The following RBFOX1 variants were observed in gnomAD, a reference collection of about 807,000 sequenced individuals.
RBFOX1 encodes the protein RNA binding fox-1 homolog 1.
A neutral mutation model predicts 57.7 loss-of-function variants in RBFOX1; 8 were observed. The observed-to-expected ratio is 0.14, with a 90% CI of 0.08 to 0.25. The LOEUF is 0.25. Ranked by LOEUF, RBFOX1 falls within the 10% of genes least tolerant of loss-of-function variation. The pLI is 1.00. For missense variants in RBFOX1, 611 were observed against 548.5 expected, an observed-to-expected ratio of 1.11 and a Z score of -1.14; for synonymous variants, 326 against 222.4, an observed-to-expected ratio of 1.47 and a Z score of -4.15.
chr16:7,158,077 G>C (rs180915641), intron 4 of RBFOX1, among the ~76,000 whole-genome samples: 5 of 152,194 alleles, frequency 3.3e-5, no homozygotes, highest in South Asian at 2.1e-4. Flanking sequence ...GGCTGGGCGC[G>C]GTAGCTCAAG....
intron 1 of RBFOX1, among the ~76,000 whole-genome samples, chr16:6,173,127 A>C (rs1049600062): frequency 1.3e-5 from 2 of 152,080 alleles, no homozygotes; most frequent in Non-Finnish European, 2.9e-5. Flanking sequence ...CCATTTCAAG[A>C]TCCTTAACTT....
intron 3 of RBFOX1, among the ~76,000 whole-genome samples, chr16:5,844,434 A>G (rs2056700483): frequency 1.3e-5 from 2 of 152,224 alleles, no homozygotes; most frequent in African/African-American, 4.8e-5. Flanking sequence ...TACATTATTG[A>G]TAAATGTGTT....
chr16:6,202,399 G>C (rs1192214909), intron 1 of RBFOX1, among the ~76,000 whole-genome samples: 7 of 152,066 alleles, frequency 4.6e-5, no homozygotes, highest in African/African-American at 1.7e-4. Flanking sequence ...AGCTTTAAAG[G>C]TGCTTTGAGG....
intron 4 of RBFOX1, among the ~76,000 whole-genome samples, chr16:7,383,172 G>A (rs776226296): frequency 3.3e-5 from 5 of 151,352 alleles, no homozygotes; most frequent in Admixed American, 1.3e-4. Flanking sequence ...TGTTTATCCC[G>A]TTGTCCATGA....
At chr16:5,782,449 C>G (rs13380711) in intron 3 of RBFOX1, among the ~76,000 whole-genome samples, 1 of 152,134 alleles carries the variant, frequency 6.6e-6, no homozygotes, top group Non-Finnish European at 1.5e-5. Context: ...TTATGATTTA[C>G]GCATGTCCCA....
chr16:5,809,406 AT>A (rs1469106522), intron 3 of RBFOX1, among the ~76,000 whole-genome samples: 1 of 149,058 alleles, frequency 6.7e-6, no homozygotes, highest in Non-Finnish European at 1.5e-5. Context: ...ATGGGAGAAA[AT>A]TTTCGCAACC....
chr16:6,645,237 C>T (rs759226466), intron 2 of RBFOX1, among the ~76,000 whole-genome samples: 2 of 152,154 alleles, frequency 1.3e-5, no homozygotes, highest in Admixed American at 1.3e-4. Flanking sequence ...TTTCAAGACC[C>T]TTAATTATGT....
chr16:7,286,053 C>G (rs2095645034), intron 4 of RBFOX1, among the ~76,000 whole-genome samples: 1 of 152,134 alleles, frequency 6.6e-6, no homozygotes, highest in Non-Finnish European at 1.5e-5. Flanking sequence ...ACTGGGAACA[C>G]TGTACAATTC....
At chr16:6,578,359 A>G (rs2097477264) in intron 2 of RBFOX1, among the ~76,000 whole-genome samples, 1 of 152,198 alleles carries the variant, frequency 6.6e-6, no homozygotes, top group African/African-American at 2.4e-5. Flanking sequence ...GGGACACAGC[A>G]GTGGGTGAAA....
intron 1 of RBFOX1, among the ~76,000 whole-genome samples, chr16:6,024,525 G>A (rs930628649): frequency 1.3e-5 from 2 of 152,090 alleles, no homozygotes; most frequent in South Asian, 4.2e-4. Flanking sequence ...GCCTCACGTT[G>A]TATCCCAGGC....
At chr16:5,266,546 C>T (rs1390471816) in intron 1 of RBFOX1, among the ~76,000 whole-genome samples, 1 of 65,812 alleles carries the variant, frequency 1.5e-5, no homozygotes, top group Non-Finnish European at 2.6e-5. Context: ...TGGAAATGTT[C>T]AGTTTTTTTT....
At chr16:7,395,708 C>G (rs781594007) in intron 4 of RBFOX1, among the ~76,000 whole-genome samples, 5 of 152,168 alleles carry the variant, frequency 3.3e-5, no homozygotes, top group Non-Finnish European at 4.4e-5. Flanking sequence ...TGCAAATGCT[C>G]TATGAATATG....
intron 3 of RBFOX1, among the ~76,000 whole-genome samples, chr16:7,047,722 T>C (rs1032209686): frequency 1.9e-4 from 20 of 106,144 alleles, no homozygotes; most frequent in Admixed American, 1.7e-3. Flanking sequence ...ATTTCTTTTT[T>C]TTTTTTTTTT....
chr16:7,277,551 C>T (rs1402267900), intron 4 of RBFOX1, among the ~76,000 whole-genome samples: 3 of 151,872 alleles, frequency 2.0e-5, no homozygotes, highest in Non-Finnish European at 4.4e-5. Flanking sequence ...ATCTAGGATC[C>T]TAAACTAGAT....
intron 1 of RBFOX1, among the ~76,000 whole-genome samples, chr16:5,349,489 C>T (rs974597323): frequency 2.0e-5 from 3 of 152,162 alleles, no homozygotes; most frequent in African/African-American, 7.2e-5. Context: ...GCCTGGCCAA[C>T]ATGGCGATCC....
intron 3 of RBFOX1, among the ~76,000 whole-genome samples, chr16:7,040,591 G>T (rs1051311412): frequency 2.0e-5 from 3 of 152,126 alleles, no homozygotes; most frequent in Non-Finnish European, 2.9e-5. Context: ...TGGTTCCCAG[G>T]ACATCATTTT....
At chr16:5,302,295 A>T (rs147576189) in intron 1 of RBFOX1, among the ~76,000 whole-genome samples, 2 of 152,128 alleles carry the variant, frequency 1.3e-5, no homozygotes, top group African/African-American at 4.8e-5. Context: ...CAGAGAAATC[A>T]TTTTTTTGAT....
intron 3 of RBFOX1, among the ~76,000 whole-genome samples, chr16:6,790,169 C>CTATTATTAGTATTATTATTAT: frequency 1.4e-5 from 2 of 141,544 alleles, no homozygotes; most frequent in East Asian, 4.1e-4. Context: ...TTATTTTATT[C>CTATTATTAGTATTATTATTAT]TATTATTATT....
intron 4 of RBFOX1, among the ~76,000 whole-genome samples, chr16:7,355,989 C>T (rs910135128): frequency 4.6e-5 from 7 of 152,162 alleles, no homozygotes; most frequent in African/African-American, 7.2e-5. Flanking sequence ...TGGGTAAATA[C>T]GGCCCATGCA....
Sources: gnomAD v4.1 joint callset for allele counts (sites outside exome capture counted in the v4.1 genomes callset) on GRCh38, gnomAD v4.1.1 for gene constraint, MANE v1.5 for transcripts, NCBI Gene and HGNC (gene_info 2026-07-23, HGNC 2026-07-21) for gene names.